The following BCKDHB variants were observed in gnomAD, a reference collection of about 807,000 sequenced individuals.
BCKDHB encodes the protein branched chain keto acid dehydrogenase E1 subunit beta.
Under a neutral mutation model 48.5 loss-of-function variants are expected in BCKDHB, and 41 were observed. The observed-to-expected ratio is 0.85, with a 90% CI of 0.66 to 1.10. The LOEUF is 1.10. Ranked by LOEUF, BCKDHB falls within the 50% of genes least tolerant of loss-of-function variation. The pLI, the probability that BCKDHB is intolerant of heterozygous loss-of-function variation, is 0.00. For missense variants in BCKDHB, 496 were observed against 494.2 expected, an observed-to-expected ratio of 1.00 and a Z score of -0.03; for synonymous variants, 201 against 174.8, an observed-to-expected ratio of 1.15 and a Z score of -1.18.
chr6:80,213,849 A>G (rs1212291831), intron 8 of BCKDHB, among the ~76,000 whole-genome samples: 1 of 152,100 alleles, frequency 6.6e-6, no homozygotes. Context: ...TTCTTTGGGT[A>G]CATATTGGGC....
intron 9 of BCKDHB, among the ~76,000 whole-genome samples, chr6:80,303,630 A>G (rs571271167): frequency 1.6e-4 from 24 of 152,222 alleles, no homozygotes; most frequent in Non-Finnish European, 2.9e-4. Flanking sequence ...TTAAAAATAG[A>G]TAAGTACATA....
intron 8 of BCKDHB, among the ~76,000 whole-genome samples, chr6:80,216,651 C>T (rs1775185789): frequency 6.6e-6 from 1 of 152,076 alleles, no homozygotes; most frequent in South Asian, 2.1e-4. Flanking sequence ...AATCCGTTAC[C>T]TCATTTCATA....
the BCKDHB span, among the ~76,000 whole-genome samples, chr6:80,393,446 T>C: frequency 5.3e-5 from 8 of 152,276 alleles, no homozygotes; most frequent in East Asian, 1.5e-3. Flanking sequence ...TGAGAGAGCA[T>C]GTGTGCCCTT....
At chr6:80,315,784 T>C (rs949844104) in intron 9 of BCKDHB, among the ~76,000 whole-genome samples, 3 of 152,082 alleles carry the variant, frequency 2.0e-5, no homozygotes, top group Non-Finnish European at 4.4e-5. Flanking sequence ...GCAACTGGCC[T>C]GTTTCCTTCG....
At chr6:80,415,320 G>A in the BCKDHB span, among the ~76,000 whole-genome samples, 1 of 151,518 alleles carries the variant, frequency 6.6e-6, no homozygotes, top group Non-Finnish European at 1.5e-5. Flanking sequence ...GTAGTGAGAG[G>A]GCGTCCTCAT....
At chr6:80,156,695 G>C (rs1381731335) in intron 3 of BCKDHB, among the ~76,000 whole-genome samples, 1 of 152,160 alleles carries the variant, frequency 6.6e-6, no homozygotes, top group African/African-American at 2.4e-5. Context: ...GGTTAAGGAA[G>C]CCATGAGGTT....
chr6:80,246,795 C>T (rs1443427371), intron 8 of BCKDHB, among the ~76,000 whole-genome samples: 5 of 152,032 alleles, frequency 3.3e-5, no homozygotes, highest in African/African-American at 1.2e-4. Context: ...CTTACCACCC[C>T]ATCTTCTGTC....
chr6:80,214,365 G>T (rs952901874), intron 8 of BCKDHB, among the ~76,000 whole-genome samples: 2 of 152,198 alleles, frequency 1.3e-5, no homozygotes, highest in African/African-American at 2.4e-5. Context: ...GTTTTATGGA[G>T]AAGTTGAAGA....
In BCKDHB at chr6:80,129,141, A is replaced by ATT. The variant is rs1770495335; in HGVS notation, c.275-18_275-17dup. 1 of 1,540,844 alleles carries ATT rather than the reference A, an allele frequency of 6.5e-7. No homozygotes were observed. Among genetic ancestry groups the ATT allele is most frequent in the Middle Eastern group, 1.8e-4 (1 of 5,454 alleles). ...TAGAGATTATTAAATAAAATGTATT[A>ATT]TTTAAATACTGTTTTTCAGTAATAT... On this transcript the variant is annotated intron_variant, in intron 2 of 9. Coordinates refer to ENST00000320393, the MANE Select transcript of BCKDHB (RefSeq NM_183050.4).
At chr6:80,166,075 C>G (rs571084725) in intron 3 of BCKDHB, among the ~76,000 whole-genome samples, 1 of 152,282 alleles carries the variant, frequency 6.6e-6, no homozygotes, top group South Asian at 2.1e-4. Flanking sequence ...GGCTTATGAA[C>G]GTCATGGTCA....
chr6:80,373,023 G>A, the BCKDHB span, among the ~76,000 whole-genome samples: 2 of 152,026 alleles, frequency 1.3e-5, no homozygotes, highest in African/African-American at 2.4e-5. Flanking sequence ...AATAGGATTG[G>A]TACCAATTCT....
chr6:80,421,759 A>T, the BCKDHB span, among the ~76,000 whole-genome samples: 1 of 152,194 alleles, frequency 6.6e-6, no homozygotes, highest in Non-Finnish European at 1.5e-5. Flanking sequence ...TGGTGGAAGA[A>T]ATTTCTAAAG....
rs1052542534 is a variant in BCKDHB, at chr6:80,119,564, G to A, written c.197-7983G>A. On this transcript the variant is annotated intron_variant, in intron 1 of 9. Transcript: ENST00000320393. ...TCGAACTCCTGGCCTCAAGTGATCCGCACCCCCCTTGGCCTCACAAAGTGC... is the reference window on the plus strand; with the variant it reads ...TCGAACTCCTGGCCTCAAGTGATCCACACCCCCCTTGGCCTCACAAAGTGC... Among the ~76,000 whole-genome samples, 5 of 151,900 alleles carry A rather than the reference G, an allele frequency of 3.3e-5. No individual in the cohort carries two copies. The East Asian group carries it at 7.8e-4, about 24-fold the overall frequency.
intron 1 of BCKDHB, among the ~76,000 whole-genome samples, chr6:80,120,370 T>A (rs1037214587): frequency 6.6e-6 from 1 of 152,172 alleles, no homozygotes. Context: ...CCTTTGGATA[T>A]ATACCCAGTA....
the BCKDHB span, among the ~76,000 whole-genome samples, chr6:80,398,530 A>G: frequency 2.8e-4 from 43 of 152,326 alleles, 1 homozygote; most frequent in Middle Eastern, 0.01. Context: ...AACCAGGAAG[A>G]TACTAATTCC....
chr6:80,360,425 A>G, the BCKDHB span, among the ~76,000 whole-genome samples: 5 of 152,242 alleles, frequency 3.3e-5, no homozygotes, highest in African/African-American at 1.2e-4. Flanking sequence ...GAGTAGCTCA[A>G]TGAATAATGG....
chr6:80,188,307 A>AT (rs1462091882), intron 6 of BCKDHB, among the ~76,000 whole-genome samples: 1 of 152,178 alleles, frequency 6.6e-6, no homozygotes, highest in Non-Finnish European at 1.5e-5. Context: ...GAAGGTAAAC[A>AT]TTGAGTACAC....
At chr6:80,229,070 G>T (rs1366576021) in intron 8 of BCKDHB, among the ~76,000 whole-genome samples, 1 of 152,092 alleles carries the variant, frequency 6.6e-6, no homozygotes, top group East Asian at 1.9e-4. Context: ...TCCTTCCATT[G>T]TTTTTTTCAT....
rs1405360369 is a variant in BCKDHB, at chr6:80,342,578, AAGAAAG to A, written c.1039-1085_1039-1080del. Among the ~76,000 whole-genome samples, 118 of 133,136 alleles carry A rather than the reference AAGAAAG, an allele frequency of 8.9e-4. 6 individuals carry two copies. Among genetic ancestry groups the A allele is most frequent in the African/African-American group, 3.5e-3 (111 of 31,862 alleles). 87.3% of individuals were successfully genotyped at this position (133,136 alleles called of 152,430 possible). ...TCTGAAAAAAAAAAAAAAAAAAAAA[AAGAAAG>A]GGAAGAAAGGGGAAGGAAGGGAAGG... On this transcript the variant is annotated intron_variant, in intron 9 of 9. Coordinates refer to ENST00000320393, the MANE Select transcript of BCKDHB (RefSeq NM_183050.4).
Sources: allele counts gnomAD v4.1 joint callset (sites outside exome capture counted in the v4.1 genomes callset), GRCh38; gene constraint gnomAD v4.1.1; transcripts MANE v1.5; gene names NCBI Gene and HGNC (gene_info 2026-07-23, HGNC 2026-07-21).